Variants in DENND4C observed in about 807,000 individuals in gnomAD.
DENND4C encodes the protein DENN domain containing 4C.
Under a neutral mutation model 203.0 loss-of-function variants are expected in DENND4C, and 108 were observed. The ratio of observed to expected loss-of-function variants is 0.53; its 90% CI spans 0.46 to 0.62. The LOEUF is 0.62. DENND4C is among the 20% of genes least tolerant of loss of function. The pLI, the probability that DENND4C is intolerant of heterozygous loss-of-function variation, is 0.00. For synonymous variants in DENND4C, 871 were observed against 792.4 expected (o/e 1.10, Z -1.67); for missense variants, 2,481 against 2,301.2 (o/e 1.08, Z -1.60).
intron 9 of DENND4C, among the ~76,000 whole-genome samples, chr9:19,301,999 C>G (rs1247983359): frequency 1.3e-5 from 2 of 152,132 alleles, no homozygotes; most frequent in Non-Finnish European, 2.9e-5. Context: ...GCCCCTTTGT[C>G]AGAATCGTGG....
At chr9:19,275,986 T>G (rs1012463173) in intron 1 of DENND4C, among the ~76,000 whole-genome samples, 172 bp from the exon 2 acceptor site, 1 of 152,232 alleles carries the variant, frequency 6.6e-6, no homozygotes, top group Non-Finnish European at 1.5e-5. Context: ...CTTGTACTTT[T>G]GCTTTTACCA....
chr9:19,301,458 A>G (rs1322828685), intron 9 of DENND4C, among the ~76,000 whole-genome samples: 2 of 152,222 alleles, frequency 1.3e-5, no homozygotes, highest in Non-Finnish European at 2.9e-5. Flanking sequence ...CAAATGGGGT[A>G]TGTCTCCAAG....
intron 16 of DENND4C, among the ~76,000 whole-genome samples, chr9:19,330,325 C>A (rs1818780398): frequency 7.2e-6 from 1 of 138,876 alleles, no homozygotes; most frequent in Admixed American, 7.6e-5. Flanking sequence ...AATTAATATA[C>A]CAAGTTGGTT....
At chr9:19,239,472 T>C (rs902841562) in intron 1 of DENND4C, among the ~76,000 whole-genome samples, 2 of 148,438 alleles carry the variant, frequency 1.3e-5, no homozygotes, top group Non-Finnish European at 3.0e-5. Context: ...TTTATATTCT[T>C]TTTTTTTTTT....
At chr9:19,300,078 C>G (rs1265435747) in intron 8 of DENND4C, 109 bp from the exon 9 acceptor site, 1 of 1,121,774 alleles carries the variant, frequency 8.9e-7, no homozygotes, top group Non-Finnish European at 1.2e-6. Context: ...TAAGTAAAGA[C>G]TAGAAATTAA....
chr9:19,362,358 A>G (rs1284967639), intron 30 of DENND4C, among the ~76,000 whole-genome samples: 2 of 152,198 alleles, frequency 1.3e-5, no homozygotes, highest in Admixed American at 6.5e-5. Context: ...AGGTGACTGG[A>G]TAAGCAAATT....
At chr9:19,367,691 G>A (rs949864142) in intron 30 of DENND4C, among the ~76,000 whole-genome samples, 23 of 152,312 alleles carry the variant, frequency 1.5e-4, no homozygotes, top group African/African-American at 5.1e-4. Flanking sequence ...AGTGAGCTGA[G>A]ATTCTGCTGC....
intron 20 of DENND4C, among the ~76,000 whole-genome samples, chr9:19,338,430 G>A (rs1360208097): frequency 1.3e-5 from 2 of 152,024 alleles, no homozygotes; most frequent in Non-Finnish European, 2.9e-5. Flanking sequence ...CTGGGTAATT[G>A]GTATAAAGAC....
chr9:19,290,974 C>T, intron 5 of DENND4C, 98 bp downstream of exon 5: 1 of 1,242,884 alleles, frequency 8.0e-7, no homozygotes, highest in Non-Finnish European at 1.1e-6. Context: ...ATTATTTGGA[C>T]ATGATACATT....
At chr9:19,233,749 C>T (rs1367277567) in intron 1 of DENND4C, among the ~76,000 whole-genome samples, 5 of 151,924 alleles carry the variant, frequency 3.3e-5, no homozygotes, top group Admixed American at 1.3e-4. Flanking sequence ...CCTGCCACCA[C>T]GCCTGGCTAA....
intron 1 of DENND4C, among the ~76,000 whole-genome samples, chr9:19,233,561 CTTT>C (rs11438629): frequency 4.6e-5 from 6 of 131,292 alleles, no homozygotes; most frequent in African/African-American, 1.7e-4. Flanking sequence ...TATTTGAAAC[CTTT>C]TTTTTTTTTT....
At chr9:19,253,674 A>T (rs7043529) in intron 1 of DENND4C, among the ~76,000 whole-genome samples, 90,493 of 152,034 alleles carry the variant, frequency 0.6, 27,409 homozygotes, top group South Asian at 0.76. Flanking sequence ...ACCTTTAAAA[A>T]ATATCTTTTA....
intron 1 of DENND4C, among the ~76,000 whole-genome samples, chr9:19,231,328 G>T (rs944401259): frequency 1.3e-5 from 2 of 152,142 alleles, no homozygotes; most frequent in Non-Finnish European, 2.9e-5. Flanking sequence ...ACGGGGAGGA[G>T]GGGGACCTGG....
intron 20 of DENND4C, among the ~76,000 whole-genome samples, chr9:19,339,044 A>C (rs1821069246): frequency 6.6e-6 from 1 of 152,224 alleles, no homozygotes; most frequent in South Asian, 2.1e-4. Flanking sequence ...TTGCAAGAAT[A>C]ATACAGAAAA....
intron 1 of DENND4C, among the ~76,000 whole-genome samples, chr9:19,249,057 C>T (rs1825933532): frequency 6.6e-6 from 1 of 152,172 alleles, no homozygotes; most frequent in African/African-American, 2.4e-5. Flanking sequence ...TCCCAAAGTG[C>T]TGGGATTACA....
chr9:19,274,237 C>T (rs539929736), intron 1 of DENND4C, among the ~76,000 whole-genome samples: 6 of 151,544 alleles, frequency 4.0e-5, no homozygotes, highest in Admixed American at 2.0e-4. Flanking sequence ...TAACTTGTTG[C>T]CTGAGGAGGA....
chr9:19,254,593 G>C (rs972290235), intron 1 of DENND4C, among the ~76,000 whole-genome samples: 5 of 152,128 alleles, frequency 3.3e-5, no homozygotes, highest in South Asian at 2.1e-4. Context: ...GGAGGAGGTA[G>C]GGGAAATAGG....
intron 22 of DENND4C, among the ~76,000 whole-genome samples, chr9:19,344,345 A>G (rs1822330360): frequency 6.6e-6 from 1 of 152,152 alleles, no homozygotes; most frequent in Non-Finnish European, 1.5e-5. Flanking sequence ...ACAGAAATTT[A>G]TTTCTGCCGG....
At chr9:19,270,781 G>A (rs1333714019) in intron 1 of DENND4C, among the ~76,000 whole-genome samples, 1 of 152,106 alleles carries the variant, frequency 6.6e-6, no homozygotes, top group Non-Finnish European at 1.5e-5. Flanking sequence ...AGCTACAATG[G>A]AAAGAAAGAA....
Sources: allele counts gnomAD v4.1 joint callset (sites outside exome capture counted in the v4.1 genomes callset), GRCh38; gene constraint gnomAD v4.1.1; transcripts MANE v1.5; gene names NCBI Gene and HGNC (gene_info 2026-07-23, HGNC 2026-07-21).